Variants in SLC24A2 observed in about 807,000 individuals in gnomAD.
SLC24A2 encodes sodium/potassium/calcium exchanger 2.
A neutral mutation model predicts 62.0 loss-of-function variants in SLC24A2; 36 were observed. The ratio of observed to expected loss-of-function variants is 0.58; its 90% CI spans 0.44 to 0.77. The LOEUF (loss-of-function observed/expected upper bound fraction) is 0.77. Ranked by LOEUF, SLC24A2 falls within the 30% of genes least tolerant of loss-of-function variation. The pLI, the probability that SLC24A2 is intolerant of heterozygous loss-of-function variation, is 0.00. For missense variants in SLC24A2, 846 were observed against 817.9 expected (o/e 1.03, Z -0.42); for synonymous variants, 358 against 294.0 (o/e 1.22, Z -2.23).
chr9:19,561,794 T>TTATAGAAAATAGTATACTCCC (rs1238754724), intron 7 of SLC24A2, among the ~76,000 whole-genome samples: 2 of 13,150 alleles, frequency 1.5e-4, no homozygotes, highest in Non-Finnish European at 7.2e-4. Context: ...GTATACTCCC[T>TTATAGAAAATAGTATACTCCC]TTATAATACC....
At chr9:19,682,306 G>T (rs542279563) in intron 2 of SLC24A2, among the ~76,000 whole-genome samples, 1 of 152,078 alleles carries the variant, frequency 6.6e-6, no homozygotes, top group African/African-American at 2.4e-5. Context: ...GATAGTAGAC[G>T]GTTGCATACA....
chr9:19,874,075 CTTTTTT>C, the SLC24A2 span, among the ~76,000 whole-genome samples: 1,525 of 107,296 alleles, frequency 0.014, 27 homozygotes, highest in African/African-American at 0.049. Context: ...CTTTTCTTTT[CTTTTTT>C]TTTTTTTTTT....
At chr9:20,008,966 G>T in the SLC24A2 span, among the ~76,000 whole-genome samples, 1 of 152,166 alleles carries the variant, frequency 6.6e-6, no homozygotes, top group Non-Finnish European at 1.5e-5. Context: ...AAGAACTCAG[G>T]AGTGAGGCTG....
chr9:19,602,883 G>A (rs1321301033), intron 4 of SLC24A2, among the ~76,000 whole-genome samples: 1 of 152,140 alleles, frequency 6.6e-6, no homozygotes, highest in East Asian at 1.9e-4. Context: ...GCAGGCACAT[G>A]GTAAATATTC....
chr9:19,597,103 A>G (rs1463787889), intron 5 of SLC24A2, 126 bp downstream of exon 5: 1 of 709,160 alleles, frequency 1.4e-6, no homozygotes, highest in African/African-American at 1.8e-5. Flanking sequence ...AAATGCAGAA[A>G]GAATAGTAAG....
the SLC24A2 span, among the ~76,000 whole-genome samples, chr9:20,099,809 C>T: frequency 6.6e-5 from 10 of 152,078 alleles, no homozygotes; most frequent in South Asian, 2.1e-3. Flanking sequence ...ATACATAAGG[C>T]CTTGGTAATG....
the SLC24A2 span, among the ~76,000 whole-genome samples, chr9:20,097,855 GC>G: frequency 4.3e-5 from 6 of 140,878 alleles, no homozygotes; most frequent in African/African-American, 1.6e-4. Context: ...CCATTCTCCT[GC>G]CTCAGACTCC....
the SLC24A2 span, among the ~76,000 whole-genome samples, chr9:19,829,994 A>C: frequency 6.6e-6 from 1 of 151,970 alleles, no homozygotes; most frequent in Non-Finnish European, 1.5e-5. Context: ...AGAGTAAATA[A>C]ATACAACCTG....
chr9:19,666,905 T>A (rs1431529479), intron 2 of SLC24A2, among the ~76,000 whole-genome samples: 1 of 152,248 alleles, frequency 6.6e-6, no homozygotes, highest in Non-Finnish European at 1.5e-5. Flanking sequence ...TGACAAGTGC[T>A]ATTTATGTGT....
At chr9:20,149,518 CTGTA>C in the SLC24A2 span, among the ~76,000 whole-genome samples, 143,430 of 151,704 alleles carry the variant, frequency 0.95, 67,842 homozygotes, top group Non-Finnish European at 0.97. Flanking sequence ...ATATTTAACT[CTGTA>C]TACAGACTAT....
At chr9:19,752,584 C>T (rs1009944964) in intron 2 of SLC24A2, among the ~76,000 whole-genome samples, 22 of 127,046 alleles carry the variant, frequency 1.7e-4, no homozygotes, top group Middle Eastern at 3.8e-3. Context: ...ACTCCTTAAA[C>T]TCACCGAGCC....
chr9:20,032,983 AT>A, the SLC24A2 span, among the ~76,000 whole-genome samples: 6 of 152,236 alleles, frequency 3.9e-5, no homozygotes, highest in Non-Finnish European at 7.3e-5. Context: ...GGGGTCAAAA[AT>A]ACCTTGGTGA....
the SLC24A2 span, among the ~76,000 whole-genome samples, chr9:19,898,834 A>G: frequency 6.6e-6 from 1 of 152,236 alleles, no homozygotes; most frequent in South Asian, 2.1e-4. Flanking sequence ...CTTCTAAGTT[A>G]TAAACAAGAG....
At chr9:20,239,757 G>A in the SLC24A2 span, among the ~76,000 whole-genome samples, 2 of 152,166 alleles carry the variant, frequency 1.3e-5, no homozygotes, top group East Asian at 3.8e-4. Flanking sequence ...TAATATTTGT[G>A]AGAAAACTAT....
intron 8 of SLC24A2, among the ~76,000 whole-genome samples, chr9:19,539,351 A>C (rs1284046224): frequency 6.9e-6 from 1 of 145,910 alleles, no homozygotes; most frequent in African/African-American, 2.6e-5. Context: ...TAGTGCTATA[A>C]ATTTCCCTCT....
At chr9:19,847,882 C>G in the SLC24A2 span, among the ~76,000 whole-genome samples, 46 of 152,262 alleles carry the variant, frequency 3.0e-4, no homozygotes, top group African/African-American at 9.9e-4. Flanking sequence ...TTCATGGGAC[C>G]CACAGTCATT....
the SLC24A2 span, among the ~76,000 whole-genome samples, chr9:19,940,410 G>A: frequency 6.6e-6 from 1 of 152,148 alleles, no homozygotes; most frequent in Non-Finnish European, 1.5e-5. Context: ...CCTAGAGGTG[G>A]GCTCCCTTCC....
At chr9:19,531,051 T>TC (rs1833684221) in intron 8 of SLC24A2, among the ~76,000 whole-genome samples, 1 of 151,996 alleles carries the variant, frequency 6.6e-6, no homozygotes, top group Non-Finnish European at 1.5e-5. Context: ...TGTCAGAAAA[T>TC]TAAAAAAAGC....
At chr9:20,153,408 C>A in the SLC24A2 span, among the ~76,000 whole-genome samples, 1 of 151,868 alleles carries the variant, frequency 6.6e-6, no homozygotes, top group Non-Finnish European at 1.5e-5. Context: ...AAAAAGAACA[C>A]CTGCTTTGAA....
Sources: gnomAD v4.1 joint callset for allele counts (sites outside exome capture counted in the v4.1 genomes callset) on GRCh38, gnomAD v4.1.1 for gene constraint, MANE v1.5 for transcripts, NCBI Gene and HGNC (gene_info 2026-07-23, HGNC 2026-07-21) for gene names.